Variants in NELL2 observed in about 807,000 individuals in gnomAD.
The protein encoded by NELL2 is neural EGFL like 2.
Under a neutral mutation model 109.6 loss-of-function variants are expected in NELL2, and 41 were observed. The observed-to-expected ratio is 0.37, with a 90% confidence interval of 0.29 to 0.49. The LOEUF is 0.49. Ranked by LOEUF, NELL2 falls within the 20% of genes least tolerant of loss-of-function variation. NELL2 has a pLI of 0.98. For synonymous variants in NELL2, 355 were observed against 344.7 expected (o/e 1.03, Z -0.33); for missense variants, 900 against 1,008.3 (o/e 0.89, Z 1.45).
chr12:44,862,184 G>A (rs551765616), intron 2 of NELL2, among the ~76,000 whole-genome samples: 20 of 152,244 alleles, frequency 1.3e-4, no homozygotes, highest in African/African-American at 7.2e-5. Flanking sequence ...TTTGCCCCAC[G>A]AATACTCACC....
At chr12:44,840,410 G>A (rs571129040) in intron 2 of NELL2, among the ~76,000 whole-genome samples, 87 of 152,282 alleles carry the variant, frequency 5.7e-4, no homozygotes, top group Non-Finnish European at 7.5e-4. Context: ...GGTACAAAAT[G>A]CATATGTGTT....
intron 9 of NELL2, among the ~76,000 whole-genome samples, chr12:44,759,599 G>A (rs1480363740): frequency 2.0e-5 from 3 of 152,176 alleles, no homozygotes; most frequent in Non-Finnish European, 4.4e-5. Context: ...GCTGAATTCA[G>A]TCTAAATTTC....
intron 9 of NELL2, among the ~76,000 whole-genome samples, chr12:44,736,657 G>A (rs1233728657): frequency 6.6e-6 from 1 of 151,968 alleles, no homozygotes; most frequent in Admixed American, 6.5e-5. Flanking sequence ...ATCCCCAAAT[G>A]TTTACTATTG....
intron 13 of NELL2, among the ~76,000 whole-genome samples, chr12:44,640,897 T>C (rs891708434): frequency 1.3e-5 from 2 of 152,204 alleles, no homozygotes; most frequent in Admixed American, 1.3e-4. Context: ...GTTAAAACTT[T>C]AGAAGTGAAC....
At chr12:44,791,819 A>T (rs1204353966) in intron 3 of NELL2, among the ~76,000 whole-genome samples, 1 of 152,096 alleles carries the variant, frequency 6.6e-6, no homozygotes, top group Non-Finnish European at 1.5e-5. Context: ...ATTCAAGAGG[A>T]CATATAGAAA....
At chr12:44,902,056 A>G (rs753435628) in intron 1 of NELL2, among the ~76,000 whole-genome samples, 3 of 152,214 alleles carry the variant, frequency 2.0e-5, no homozygotes, top group Non-Finnish European at 4.4e-5. Flanking sequence ...CACCAGGGCA[A>G]TCCGGCAAGA....
intron 9 of NELL2, among the ~76,000 whole-genome samples, chr12:44,750,811 G>C (rs542383713): frequency 1.8e-4 from 27 of 152,166 alleles, no homozygotes; most frequent in Middle Eastern, 3.4e-3. Context: ...GAAGATAACA[G>C]GTTGTGAATG....
intron 1 of NELL2, among the ~76,000 whole-genome samples, chr12:44,910,990 A>G: frequency 6.6e-6 from 1 of 151,918 alleles, no homozygotes; most frequent in Non-Finnish European, 1.5e-5. Context: ...TAGACACTGG[A>G]GACGACTAGA....
chr12:44,825,993 G>T (rs901869198), intron 2 of NELL2, among the ~76,000 whole-genome samples: 1 of 151,850 alleles, frequency 6.6e-6, no homozygotes, highest in Non-Finnish European at 1.5e-5. Context: ...AGTGAGCCGA[G>T]ATCGCGCCAT....
intron 12 of NELL2, among the ~76,000 whole-genome samples, chr12:44,681,870 A>G (rs555415774): frequency 2.6e-5 from 4 of 151,774 alleles, no homozygotes; most frequent in Non-Finnish European, 1.5e-5. Flanking sequence ...TAATGCCGCA[A>G]TAAACATACG....
chr12:44,886,324 A>C (rs1209878832), intron 1 of NELL2, among the ~76,000 whole-genome samples: 2 of 151,972 alleles, frequency 1.3e-5, no homozygotes, highest in African/African-American at 4.8e-5. Flanking sequence ...AAAAGAAAAA[A>C]TCGAGAAATT....
At chr12:44,605,434 C>A (rs1158533779) in intron 15 of NELL2, among the ~76,000 whole-genome samples, 1 of 152,188 alleles carries the variant, frequency 6.6e-6, no homozygotes, top group East Asian at 1.9e-4. Context: ...AAGCCCTTGG[C>A]TGCCACAGAC....
chr12:44,523,419 C>T lies in NELL2; in HGVS notation c.1870G>A (p.Gly624Ser). The T allele has an allele frequency of 6.2e-7, 1 of 1,614,140 alleles. No homozygotes were observed. Among genetic ancestry groups the T allele is most frequent in the Non-Finnish European group, 8.5e-7 (1 of 1,180,004 alleles). Residue 624 changes from glycine (G) to serine (S), a missense_variant, in exon 17 of 20, where the codon GGC becomes AGC. Transcript: ENST00000429094. ...TGAGGACATCGACAATCATATCCGC[C>T]ATCCAAATTGAAGCAAATGGTATCA... is the stretch of plus-strand genomic sequence containing the variant. ...ANDTICFNLD[G>S]GYDCRCPHGK...
intron 9 of NELL2, among the ~76,000 whole-genome samples, chr12:44,715,111 G>A (rs1344291328): frequency 1.3e-5 from 2 of 151,352 alleles, no homozygotes; most frequent in African/African-American, 2.4e-5. Context: ...TGAGACTCAG[G>A]GAACAATATG....
intron 2 of NELL2, among the ~76,000 whole-genome samples, chr12:44,849,774 T>G (rs1428556758): frequency 6.6e-6 from 1 of 152,146 alleles, no homozygotes; most frequent in Non-Finnish European, 1.5e-5. Context: ...ATCATCAAAT[T>G]GTGGTATATT....
intron 1 of NELL2, among the ~76,000 whole-genome samples, chr12:44,890,768 T>C (rs1945524602): frequency 6.6e-6 from 1 of 152,064 alleles, no homozygotes; most frequent in South Asian, 2.1e-4. Context: ...TCTCACTCTG[T>C]CACCCAGGCT....
intron 11 of NELL2, among the ~76,000 whole-genome samples, chr12:44,710,602 T>C (rs539314839): frequency 1.1e-4 from 16 of 152,296 alleles, no homozygotes; most frequent in African/African-American, 1.7e-4. Flanking sequence ...TATAATAAGA[T>C]ACCTAGTTTA....
In NELL2 at chr12:44,774,821, A is replaced by C. The variant is rs1941687976; in HGVS notation, c.920T>G (p.Ile307Ser). The change falls in exon 9 of 20, where the codon ATC becomes AGC. Residue 307 changes from isoleucine to serine, a missense_variant. This residue lies in a region of NELL2 where 292 missense variants were observed against 265.3 expected (regional missense o/e 1.10). Coordinates refer to ENST00000429094, the MANE Select transcript of NELL2 (RefSeq NM_001145108.2). ...LNGTIQCETL[I>S]CPNPDCPLKS... ...AAGTGGGCAGTCAGGATTTGGGCAGATTAGAGTTTCACACTGGATGGTTCC... is the reference window on the plus strand; with the variant it reads ...AAGTGGGCAGTCAGGATTTGGGCAGCTTAGAGTTTCACACTGGATGGTTCC... 1 of 1,613,996 alleles carries C rather than the reference A, an allele frequency of 6.2e-7. No homozygotes were observed. Among genetic ancestry groups the C allele is most frequent in the African/African-American group, 1.3e-5 (1 of 74,940 alleles).
chr12:44,869,588 C>T (rs1945104908), intron 2 of NELL2, among the ~76,000 whole-genome samples: 1 of 150,748 alleles, frequency 6.6e-6, no homozygotes, highest in Non-Finnish European at 1.5e-5. Flanking sequence ...TGGGGATTCA[C>T]TCCATTAAAC....
Sources: gnomAD v4.1 joint callset for allele counts (sites outside exome capture counted in the v4.1 genomes callset) on GRCh38, gnomAD v4.1.1 for gene constraint, gnomAD v4.1.1 regional missense constraint, MANE v1.5 for transcripts, NCBI Gene and HGNC (gene_info 2026-07-23, HGNC 2026-07-21) for gene names.